Variants in ATXN1 observed in about 807,000 individuals in gnomAD.
ATXN1 encodes ataxin 1, also known as ataxin-1.
ATXN1 carries 8 observed loss-of-function variants against 56.4 expected under a neutral mutation model. The ratio of observed to expected loss-of-function variants is 0.14; its 90% confidence interval spans 0.08 to 0.26. The LOEUF (loss-of-function observed/expected upper bound fraction) is 0.26. Among genes scored for constraint, ATXN1 ranks in the 10% least tolerant of loss-of-function variants. The pLI, the probability that ATXN1 is intolerant of heterozygous loss-of-function variation, is 1.00. For missense variants in ATXN1, 987 were observed against 1,106.5 expected, an observed-to-expected ratio of 0.89 and a Z score of 1.53; for synonymous variants, 514 against 494.6, an observed-to-expected ratio of 1.04 and a Z score of -0.52.
rs192460890 is a variant in ATXN1, at chr6:16,352,617, G to A, written c.-160-24147C>T. On this transcript the variant is annotated intron_variant, in intron 6 of 7. Transcript: ENST00000436367. ...AAATGACCACAGCAAGGCACATCGA[G>A]GGCTCCCTTTGTGGCTCAAAAGAAG... Among the ~76,000 whole-genome samples the A allele has an allele frequency of 2.6e-5, 4 of 152,152 alleles. No homozygotes were observed. In the East Asian group the frequency reaches 7.7e-4, roughly 29 times the overall value.
chr6:16,424,790 T>G (rs2113571435), intron 6 of ATXN1, among the ~76,000 whole-genome samples: 1 of 152,348 alleles, frequency 6.6e-6, no homozygotes, highest in Middle Eastern at 3.4e-3. Flanking sequence ...GGGTGCTCCA[T>G]GACTCTCTGA....
rs1324360706 is a variant in ATXN1 at position 16,410,652 on chromosome 6, T to C, written c.-161+75320A>G. Among the ~76,000 whole-genome samples the C allele has an allele frequency of 6.6e-6, 1 of 152,248 alleles. No individual in the cohort carries two copies. The highest frequency in any genetic ancestry group is 2.4e-5 in the African/African-American group (1 of 41,462). Reference sequence around the variant, plus strand: ...TTTTACTAGAATCTTCTTTATGTTCTAAAGTCTTAATCATGCATTTCTTTC... The same window carrying C: ...TTTTACTAGAATCTTCTTTATGTTCCAAAGTCTTAATCATGCATTTCTTTC... On this transcript the variant is annotated intron_variant, in intron 6 of 7. Coordinates refer to ENST00000436367, the MANE Select transcript of ATXN1 (RefSeq NM_001128164.2). This position sits in a 1 kb window ranked among gnomAD's most constrained non-coding sequence, Gnocchi z 4.6.
intron 6 of ATXN1, among the ~76,000 whole-genome samples, chr6:16,422,095 T>TTCC (rs1055926901): frequency 5.9e-5 from 9 of 152,162 alleles, no homozygotes; most frequent in African/African-American, 2.2e-4. Context: ...CCAAATCATA[T>TTCC]TCCTCTTCAT....
chr6:16,388,653 A>G (rs1026632189), intron 6 of ATXN1, among the ~76,000 whole-genome samples: 3 of 152,246 alleles, frequency 2.0e-5, no homozygotes, highest in African/African-American at 7.2e-5. Flanking sequence ...GCATGATTCA[A>G]TAAGATTCAG....
intron 2 of ATXN1, among the ~76,000 whole-genome samples, chr6:16,664,834 T>C (rs1758393083): frequency 6.6e-6 from 1 of 152,110 alleles, no homozygotes; most frequent in African/African-American, 2.4e-5. Flanking sequence ...GTAGATCATA[T>C]TTAACAACTA....
intron 6 of ATXN1, among the ~76,000 whole-genome samples, chr6:16,415,355 G>A (rs1302858075): frequency 1.3e-5 from 2 of 151,996 alleles, no homozygotes; most frequent in South Asian, 2.1e-4. Flanking sequence ...TCAGCCTCCC[G>A]AGTAGCTGGA....
chr6:16,371,313 AT>A (rs59728940), intron 6 of ATXN1, among the ~76,000 whole-genome samples: 3,667 of 143,780 alleles, frequency 0.026, 95 homozygotes, highest in African/African-American at 0.075. Context: ...TGTAGTTACA[AT>A]TTTTTTTTTT....
In ATXN1 at chr6:16,540,014, G is replaced by A. The variant is rs148695839; in HGVS notation, c.-360-17326C>T. 2.9e-3 allele frequency among the ~76,000 whole-genome samples: 444 copies of A among 152,248 alleles called. 2 individuals carry two copies. The highest frequency in any genetic ancestry group is 1.0e-2 in the African/African-American group (415 of 41,548). On this transcript the variant is annotated intron_variant, in intron 4 of 7. Transcript: ENST00000436367. ...ATGCCACAGAAACAGAGTACTGTTC[G>A]GAACTCTTTTCTTGACATGATGTTT...
Position 16,728,960 on chromosome 6 carries a change from C to T in ATXN1, c.-615+24273G>A, listed in dbSNP as rs114995173. ...AAGAATTTTTAAGGTGCTATCACACCTCCAGGGCTACTTCCAAAAGCCTAG... is the reference window on the plus strand; with the variant it reads ...AAGAATTTTTAAGGTGCTATCACACTTCCAGGGCTACTTCCAAAAGCCTAG... On this transcript the variant is annotated intron_variant, in intron 2 of 7. Transcript: ENST00000436367. Among the ~76,000 whole-genome samples the T allele has an allele frequency of 1.6e-3, 242 of 152,262 alleles. 2 individuals carry two copies. Among genetic ancestry groups the T allele is most frequent in the African/African-American group, 5.3e-3 (222 of 41,548 alleles).
intron 2 of ATXN1, among the ~76,000 whole-genome samples, chr6:16,726,802 G>A (rs948385183): frequency 2.3e-4 from 35 of 152,146 alleles, no homozygotes; most frequent in Admixed American, 1.6e-3. Flanking sequence ...AGGTTGCAGT[G>A]AGCCAAGATC....
chr6:16,566,947 G>A (rs567170082), intron 4 of ATXN1, among the ~76,000 whole-genome samples: 7 of 152,284 alleles, frequency 4.6e-5, no homozygotes, highest in East Asian at 3.9e-4. Flanking sequence ...TCCTGGCATC[G>A]TAAGTTGTCT....
chr6:16,566,320 T>C (rs1332589015), intron 4 of ATXN1, among the ~76,000 whole-genome samples: 2 of 152,162 alleles, frequency 1.3e-5, no homozygotes, highest in Non-Finnish European at 2.9e-5. Flanking sequence ...AGTACCACCA[T>C]GTTTTTTGTA....
intron 5 of ATXN1, among the ~76,000 whole-genome samples, chr6:16,508,735 T>C (rs73366801): frequency 0.044 from 6,752 of 152,206 alleles, 314 homozygotes; most frequent in South Asian, 0.16. Flanking sequence ...AATTTAAAAA[T>C]AGAATTGCCA....
rs1012304729 is a variant in ATXN1 at position 16,552,868 on chromosome 6, C to T, written c.-360-30180G>A. The stretch of plus-strand genomic sequence containing the variant: ...ACTCACACTCATACTAAATTCTACT[C>T]CAGAGCAACGTGGCTGGGCCTCTTC... On this transcript the variant is annotated intron_variant, in intron 4 of 7. Coordinates refer to ENST00000436367, the MANE Select transcript of ATXN1 (RefSeq NM_001128164.2). Among the ~76,000 whole-genome samples the T allele has an allele frequency of 2.0e-5, 3 of 152,230 alleles. No individual in the cohort carries two copies. The South Asian group carries it at 6.2e-4, about 31-fold the overall frequency.
At chr6:16,748,506 C>A (rs557726549) in intron 2 of ATXN1, among the ~76,000 whole-genome samples, 1 of 152,298 alleles carries the variant, frequency 6.6e-6, no homozygotes, top group East Asian at 1.9e-4. Context: ...AATTATTCAC[C>A]CTCTCTGTGC....
intron 2 of ATXN1, among the ~76,000 whole-genome samples, chr6:16,730,056 G>A (rs1276466830): frequency 6.6e-6 from 1 of 152,234 alleles, no homozygotes; most frequent in Non-Finnish European, 1.5e-5. Context: ...GCTGAGGCAG[G>A]CAGATCACTT....
chr6:16,417,209 A>T lies in ATXN1; in HGVS notation c.-161+68763T>A, dbSNP rs114520284. On this transcript the variant is annotated intron_variant, in intron 6 of 7. Coordinates refer to ENST00000436367, the MANE Select transcript of ATXN1 (RefSeq NM_001128164.2). ...ACCATGCTAGGCTACTTAAAAAAAA[A>T]TTTTCTTTTGAGACAGGGTCTCACT... is the stretch of plus-strand genomic sequence containing the variant. Among the ~76,000 whole-genome samples, 1,154 of 151,966 alleles carry T rather than the reference A, an allele frequency of 7.6e-3. 15 individuals are homozygous for T. Among genetic ancestry groups the T allele is most frequent in the African/African-American group, 0.026 (1,083 of 41,438 alleles).
chr6:16,437,265 C>CT (rs1759412941), intron 6 of ATXN1, among the ~76,000 whole-genome samples: 2 of 152,352 alleles, frequency 1.3e-5, no homozygotes, highest in Non-Finnish European at 1.5e-5. Context: ...ACTTTCCACT[C>CT]TGATTGTTCC....
In ATXN1 at chr6:16,370,970, A is replaced by G. The variant is rs561525437; in HGVS notation, c.-160-42500T>C. ...AGTCTTAAAGAGCTGAAATTATTCT[A>G]GGAGCCATGCCTGGGATGTCGTGGT... On this transcript the variant is annotated intron_variant, in intron 6 of 7. Coordinates refer to ENST00000436367, the MANE Select transcript of ATXN1 (RefSeq NM_001128164.2). Among the ~76,000 whole-genome samples, 251 of 152,342 alleles carry G rather than the reference A, an allele frequency of 1.6e-3. 2 individuals are homozygous for G. The highest frequency in any genetic ancestry group is 5.8e-3 in the African/African-American group (243 of 41,578).
Sources: gnomAD v4.1 joint callset for allele counts (sites outside exome capture counted in the v4.1 genomes callset) on GRCh38, gnomAD v4.1.1 for gene constraint, Gnocchi (gnomAD v3.1) non-coding constraint, MANE v1.5 for transcripts, NCBI Gene and HGNC (gene_info 2026-07-23, HGNC 2026-07-21) for gene names.